AKAP19: variants seen among roughly 807,000 people sequenced by gnomAD.
AKAP19 encodes the protein small A-kinase anchoring protein.
chr2:190,192,452 CTGTG>C, the AKAP19 span, among the ~76,000 whole-genome samples: 13,092 of 145,294 alleles, frequency 0.09, 599 homozygotes, highest in East Asian at 0.16. Flanking sequence ...AATTCAGAAT[CTGTG>C]TGTGTGTGTG....
the AKAP19 span, among the ~76,000 whole-genome samples, chr2:190,158,858 A>C: frequency 6.6e-6 from 1 of 152,202 alleles, no homozygotes; most frequent in Non-Finnish European, 1.5e-5. Flanking sequence ...AGTGGGCAGG[A>C]GAATTTCTGT....
chr2:190,041,007 C>A, the AKAP19 span, among the ~76,000 whole-genome samples: 1 of 152,124 alleles, frequency 6.6e-6, no homozygotes, highest in Non-Finnish European at 1.5e-5. Flanking sequence ...GCTATTCGGT[C>A]TCTTTTTGGG....
chr2:190,134,425 T>A, the AKAP19 span, among the ~76,000 whole-genome samples: 4 of 152,242 alleles, frequency 2.6e-5, no homozygotes, highest in African/African-American at 9.6e-5. Context: ...TGGTATTTTA[T>A]TAAATGCTCT....
chr2:189,976,631 C>G, the AKAP19 span, among the ~76,000 whole-genome samples: 3 of 152,226 alleles, frequency 2.0e-5, no homozygotes, highest in Admixed American at 1.3e-4. Flanking sequence ...CCACCCAGTT[C>G]GAGCTTCCTG....
chr2:190,070,622 C>G, the AKAP19 span, among the ~76,000 whole-genome samples: 28 of 136,722 alleles, frequency 2.0e-4, no homozygotes, highest in Middle Eastern at 7.1e-3. Context: ...TCTCCCCCCC[C>G]CCTTTTTTTT....
At chr2:190,017,056 C>G in the AKAP19 span, among the ~76,000 whole-genome samples, 1 of 152,096 alleles carries the variant, frequency 6.6e-6, no homozygotes. Flanking sequence ...TCTCTTCTTA[C>G]AGTTTGACTT....
chr2:190,013,594 C>G, the AKAP19 span, among the ~76,000 whole-genome samples: 3 of 152,192 alleles, frequency 2.0e-5, no homozygotes, highest in South Asian at 6.2e-4. Flanking sequence ...TGGCTCACTG[C>G]AAGCTCCACC....
At chr2:189,906,913 G>C in the AKAP19 span, among the ~76,000 whole-genome samples, 1 of 152,194 alleles carries the variant, frequency 6.6e-6, no homozygotes, top group South Asian at 2.1e-4. Flanking sequence ...AGGGTACTAA[G>C]CTGTACATAT....
chr2:189,882,298 T>A, the AKAP19 span, among the ~76,000 whole-genome samples: 1 of 152,214 alleles, frequency 6.6e-6, no homozygotes, highest in Non-Finnish European at 1.5e-5. Flanking sequence ...CCTGAGAACA[T>A]ATCTCAATCA....
chr2:190,005,182 T>C, the AKAP19 span, among the ~76,000 whole-genome samples: 3 of 152,182 alleles, frequency 2.0e-5, no homozygotes, highest in Non-Finnish European at 4.4e-5. Flanking sequence ...GCAAGATTTA[T>C]TGTGAAGAAT....
the AKAP19 span, among the ~76,000 whole-genome samples, chr2:189,903,633 C>CTTTA: frequency 6.6e-6 from 1 of 151,826 alleles, no homozygotes; most frequent in Admixed American, 6.6e-5. Flanking sequence ...TAAAGATGTA[C>CTTTA]TTTATTTAAA....
the AKAP19 span, among the ~76,000 whole-genome samples, chr2:189,926,288 G>T: frequency 6.6e-6 from 1 of 151,998 alleles, no homozygotes; most frequent in Non-Finnish European, 1.5e-5. Flanking sequence ...CACTTTTTTT[G>T]TTTTGTTTTG....
chr2:190,061,350 T>C, the AKAP19 span, among the ~76,000 whole-genome samples: 10 of 152,194 alleles, frequency 6.6e-5, no homozygotes, highest in African/African-American at 2.4e-4. Context: ...CTGGAGAAAG[T>C]ATTCTTTTGA....
the AKAP19 span, among the ~76,000 whole-genome samples, chr2:189,880,043 C>A: frequency 1.3e-5 from 2 of 152,082 alleles, no homozygotes; most frequent in African/African-American, 4.8e-5. Flanking sequence ...TTCAGATGAA[C>A]GGATTTTTGT....
chr2:190,071,691 A>G, the AKAP19 span, among the ~76,000 whole-genome samples: 15 of 152,196 alleles, frequency 9.9e-5, no homozygotes, highest in Non-Finnish European at 2.9e-5. Context: ...GATATCATTA[A>G]TATTAATTTG....
chr2:190,161,245 C>T, the AKAP19 span, among the ~76,000 whole-genome samples: 1 of 152,162 alleles, frequency 6.6e-6, no homozygotes, highest in African/African-American at 2.4e-5. Context: ...ACCAATATAT[C>T]ATTTCCTGCA....
At chr2:190,060,587 A>G in the AKAP19 span, 3,899 of 699,118 alleles carry the variant, frequency 5.6e-3, 125 homozygotes, top group African/African-American at 0.064. Flanking sequence ...TATAACTCAA[A>G]AAAATGTCAA....
At chr2:190,190,574 T>C in the AKAP19 span, among the ~76,000 whole-genome samples, 4 of 150,944 alleles carry the variant, frequency 2.6e-5, no homozygotes, top group African/African-American at 9.7e-5. Context: ...TATCTAGAAA[T>C]GAAATGGCTG....
chr2:190,020,519 A>T, the AKAP19 span, among the ~76,000 whole-genome samples: 1 of 152,248 alleles, frequency 6.6e-6, no homozygotes, highest in Non-Finnish European at 1.5e-5. Context: ...ACTATGTATC[A>T]GACAAACCAT....
Sources: gnomAD v4.1 joint callset for allele counts (sites outside exome capture counted in the v4.1 genomes callset) on GRCh38, gnomAD v4.1.1 for gene constraint, MANE v1.5 for transcripts, NCBI Gene and HGNC (gene_info 2026-07-23, HGNC 2026-07-21) for gene names.